Variants in FECH observed in about 807,000 individuals in gnomAD.
FECH encodes ferrochelatase, mitochondrial.
FECH carries 40 observed loss-of-function variants against 56.9 expected under a neutral mutation model. That is an observed-to-expected ratio of 0.70 (90% CI 0.55 to 0.92). The LOEUF (loss-of-function observed/expected upper bound fraction) is 0.92. Among genes scored for constraint, FECH ranks in the 40% least tolerant of loss-of-function variants. FECH has a pLI of 0.00. For missense variants in FECH, 431 were observed against 529.1 expected (o/e 0.81, Z 1.82); for synonymous variants, 175 against 198.6 (o/e 0.88, Z 1.00).
chr18:57,569,496 T>C (rs1488560160), intron 4 of FECH, among the ~76,000 whole-genome samples: 1 of 152,134 alleles, frequency 6.6e-6, no homozygotes, highest in Non-Finnish European at 1.5e-5. Context: ...ACTTTACAAC[T>C]ATATAGGAAA....
At chr18:57,558,074 G>A (rs1477571382) in intron 7 of FECH, among the ~76,000 whole-genome samples, 1 of 152,262 alleles carries the variant, frequency 6.6e-6, no homozygotes, top group East Asian at 1.9e-4. Context: ...GCCACCAGGG[G>A]GCGGTAAGGC....
intron 4 of FECH, among the ~76,000 whole-genome samples, chr18:57,569,353 C>G (rs2051063215): frequency 6.6e-6 from 1 of 152,226 alleles, no homozygotes; most frequent in African/African-American, 2.4e-5. Context: ...TCCACACTGG[C>G]TACCAAGCAA....
intron 2 of FECH, among the ~76,000 whole-genome samples, chr18:57,578,758 G>A (rs56032900): frequency 0.26 from 38,760 of 151,270 alleles, 5,484 homozygotes; most frequent in African/African-American, 0.36. Flanking sequence ...TCAGGAGTTC[G>A]AGACCAGCCT....
At chr18:57,556,840 G>C (rs1052104251) in intron 7 of FECH, among the ~76,000 whole-genome samples, 8 of 148,296 alleles carry the variant, frequency 5.4e-5, no homozygotes, top group African/African-American at 2.0e-4. Flanking sequence ...AAGTCTGGTA[G>C]GTCGAGGCTG....
intron 3 of FECH, among the ~76,000 whole-genome samples, chr18:57,572,552 A>G (rs537265106): frequency 1.3e-3 from 147 of 116,714 alleles, no homozygotes; most frequent in South Asian, 8.4e-3. Context: ...AGTTTCAAAT[A>G]TAGTACATAA....
rs1308601941 is a variant in FECH at position 57,549,734 on chromosome 18, CAT to C, written c.*976_*977del. 5 of 152,224 alleles carry C rather than the reference CAT, an allele frequency of 3.3e-5. No homozygotes were observed. The highest frequency in any genetic ancestry group is 5.9e-5 in the Non-Finnish European group (4 of 68,046). The allele number at this position is 152,224 out of a possible 1,614,324, so 9.4% of individuals were successfully genotyped here. The stretch of plus-strand genomic sequence containing the variant: ...AGTGGTTACTTTTCTGTATTCTTCA[CAT>C]GTCCCATTGTATCACTATACATTTT... On this transcript the variant is annotated 3_prime_UTR_variant, in exon 11 of 11. Coordinates refer to ENST00000262093, the MANE Select transcript of FECH (RefSeq NM_000140.5).
chr18:57,580,688 C>T (rs1413115958), intron 1 of FECH, among the ~76,000 whole-genome samples: 3 of 152,178 alleles, frequency 2.0e-5, no homozygotes, highest in Non-Finnish European at 4.4e-5. Context: ...GCCCTTGAAC[C>T]TTGACAAGGG....
intron 4 of FECH, among the ~76,000 whole-genome samples, chr18:57,567,138 C>A (rs2051029241): frequency 1.3e-5 from 2 of 152,224 alleles, no homozygotes; most frequent in South Asian, 4.1e-4. Context: ...GCTCCTATTA[C>A]CCAGTTCCCC....
intron 7 of FECH, among the ~76,000 whole-genome samples, chr18:57,557,367 T>C (rs2050882015): frequency 6.6e-6 from 1 of 152,202 alleles, no homozygotes; most frequent in African/African-American, 2.4e-5. Context: ...GACTTATCCT[T>C]ATGACACTGT....
intron 7 of FECH, among the ~76,000 whole-genome samples, chr18:57,556,048 G>A (rs1027818283): frequency 6.6e-6 from 1 of 152,202 alleles, no homozygotes; most frequent in Non-Finnish European, 1.5e-5. Flanking sequence ...AGAATCACTT[G>A]AACTCAGGAG....
At chr18:57,563,141 T>C (rs561576663) in intron 5 of FECH, among the ~76,000 whole-genome samples, 161 bp from the exon 6 acceptor site, 3 of 152,342 alleles carry the variant, frequency 2.0e-5, no homozygotes, top group African/African-American at 7.2e-5. Context: ...CATATAGATT[T>C]AACTACCCTG....
At chr18:57,570,028 TTGTC>T (rs753714321) in intron 4 of FECH, among the ~76,000 whole-genome samples, 65 of 101,950 alleles carry the variant, frequency 6.4e-4, no homozygotes, top group Non-Finnish European at 1.1e-3. Context: ...GTTGTTGTTG[TTGTC>T]GTGTGTGTGT....
intron 6 of FECH, among the ~76,000 whole-genome samples, chr18:57,560,635 A>G (rs183064742): frequency 3.9e-5 from 6 of 152,368 alleles, no homozygotes; most frequent in Non-Finnish European, 7.3e-5. Flanking sequence ...TGGGCAACAG[A>G]GTGAAACCCT....
intron 2 of FECH, 118 bp from the exon 3 acceptor site, chr18:57,573,483 C>T: frequency 8.6e-7 from 1 of 1,162,002 alleles, no homozygotes; most frequent in South Asian, 1.2e-5. Flanking sequence ...TACTATGGCT[C>T]TTTTCACTGC....
chr18:57,563,724 CT>C (rs1312788141), intron 5 of FECH, among the ~76,000 whole-genome samples: 1 of 151,262 alleles, frequency 6.6e-6, no homozygotes, highest in Non-Finnish European at 1.5e-5. Context: ...ACAGTCATTG[CT>C]TTACTCTAAT....
intron 9 of FECH, 58 bp downstream of exon 9, chr18:57,554,202 G>A: frequency 6.3e-7 from 1 of 1,597,426 alleles, no homozygotes. Flanking sequence ...GTTAGTTGCA[G>A]AAAAAATTTC....
rs368714845 is a variant in FECH at position 57,551,310 on chromosome 18, G to A, written c.1137+5C>T. On this transcript the variant is annotated splice_donor_5th_base_variant and intron_variant, in intron 10 of 10. Coordinates refer to ENST00000262093, the MANE Select transcript of FECH (RefSeq NM_000140.5). ...CTACTAAAACGATTGTAACACTGTA[G>A]ATACCTTAGAGAACAATGGATTTCC... 4.5e-5 allele frequency: 72 copies of A among 1,601,828 alleles called. No individual in the cohort carries two copies. The highest frequency in any genetic ancestry group is 1.7e-4 in the Middle Eastern group (1 of 6,034).
chr18:57,580,640 C>A (rs1045794047), intron 1 of FECH, among the ~76,000 whole-genome samples: 4 of 152,160 alleles, frequency 2.6e-5, no homozygotes, highest in African/African-American at 9.7e-5. Flanking sequence ...TGCCTCCAAG[C>A]CTTCTTCGGA....
chr18:57,577,811 C>G (rs543988227), intron 2 of FECH, among the ~76,000 whole-genome samples: 52 of 152,178 alleles, frequency 3.4e-4, no homozygotes, highest in African/African-American at 1.2e-3. Flanking sequence ...TCCCAGCACT[C>G]TGGGAGGTTG....
Sources: allele counts gnomAD v4.1 joint callset (sites outside exome capture counted in the v4.1 genomes callset), GRCh38; gene constraint gnomAD v4.1.1; transcripts MANE v1.5; gene names NCBI Gene and HGNC (gene_info 2026-07-23, HGNC 2026-07-21).